The following RALYL variants were observed in gnomAD, a reference collection of about 807,000 sequenced individuals.
RALYL encodes RALY RNA binding protein like.
Under a neutral mutation model 35.1 loss-of-function variants are expected in RALYL, and 29 were observed. The ratio of observed to expected loss-of-function variants is 0.83; its 90% CI spans 0.61 to 1.13. The LOEUF is 1.13. Ranked by LOEUF, RALYL falls within the 50% of genes most tolerant of loss-of-function variation. RALYL has a pLI of 0.00. For missense variants in RALYL, 359 were observed against 360.4 expected (o/e 1.00, Z 0.03); for synonymous variants, 120 against 127.6 (o/e 0.94, Z 0.40).
intron 1 of RALYL, among the ~76,000 whole-genome samples, chr8:84,266,474 C>T (rs1222038207): frequency 9.2e-5 from 14 of 152,136 alleles, no homozygotes; most frequent in Admixed American, 9.2e-4. Context: ...TTCGATTTTT[C>T]CAAAATCATT....
intron 2 of RALYL, among the ~76,000 whole-genome samples, chr8:84,582,811 A>G (rs1420869500): frequency 1.3e-5 from 2 of 152,082 alleles, no homozygotes; most frequent in African/African-American, 2.4e-5. Context: ...TATAGAATCT[A>G]TAAGGTCAAT....
At chr8:84,851,551 C>A (rs1015018798) in intron 5 of RALYL, among the ~76,000 whole-genome samples, 2 of 151,928 alleles carry the variant, frequency 1.3e-5, no homozygotes, top group South Asian at 4.1e-4. Flanking sequence ...ACAAAAAAAA[C>A]CTTAGGTACT....
chr8:84,235,373 A>G (rs1340593332), intron 1 of RALYL, among the ~76,000 whole-genome samples: 1 of 152,198 alleles, frequency 6.6e-6, no homozygotes, highest in Non-Finnish European at 1.5e-5. Context: ...CCTCTTCCAC[A>G]ATAAGATTTG....
At chr8:84,842,387 C>T (rs1228296815) in intron 4 of RALYL, among the ~76,000 whole-genome samples, 8 of 152,056 alleles carry the variant, frequency 5.3e-5, no homozygotes, top group South Asian at 4.1e-4. Flanking sequence ...ATAAATTCCT[C>T]GACACATACA....
At chr8:84,705,620 T>G (rs896915490) in intron 2 of RALYL, among the ~76,000 whole-genome samples, 1 of 152,200 alleles carries the variant, frequency 6.6e-6, no homozygotes, top group Non-Finnish European at 1.5e-5. Flanking sequence ...AAAAGATATA[T>G]GAACCTAATT....
chr8:84,290,811 C>A (rs1332605909), intron 1 of RALYL, among the ~76,000 whole-genome samples: 1 of 152,126 alleles, frequency 6.6e-6, no homozygotes, highest in African/African-American at 2.4e-5. Flanking sequence ...TCATTAAATT[C>A]TGAAAGCTTC....
intron 1 of RALYL, among the ~76,000 whole-genome samples, chr8:84,302,098 G>A (rs765852668): frequency 1.3e-5 from 2 of 152,064 alleles, no homozygotes; most frequent in Non-Finnish European, 2.9e-5. Flanking sequence ...GCAATTGCTG[G>A]GCTGTATCAA....
chr8:84,402,815 A>G (rs1216914526), intron 1 of RALYL, among the ~76,000 whole-genome samples: 1 of 152,150 alleles, frequency 6.6e-6, no homozygotes, highest in Non-Finnish European at 1.5e-5. Context: ...TATCCTCTCC[A>G]GCACCTGTTG....
chr8:84,698,622 A>C (rs1303265199), intron 2 of RALYL, among the ~76,000 whole-genome samples: 1 of 152,112 alleles, frequency 6.6e-6, no homozygotes, highest in African/African-American at 2.4e-5. Flanking sequence ...ACAGCAGAGG[A>C]AAGAAACCCC....
chr8:84,262,125 G>T (rs1473583080), intron 1 of RALYL, among the ~76,000 whole-genome samples: 1 of 152,090 alleles, frequency 6.6e-6, no homozygotes, highest in African/African-American at 2.4e-5. Flanking sequence ...GTGGAGTCAT[G>T]GTTCCAGAAC....
At position 84,728,020 on chromosome 8, in the gene RALYL, C is replaced by G. The variant is rs1040643608; in HGVS notation, c.257-46559C>G. On this transcript the variant is annotated intron_variant, in intron 2 of 8. Coordinates refer to ENST00000521268, the MANE Select transcript of RALYL (RefSeq NM_173848.7). ...GGGATGGCTGGGTCAAATGGTATTT[C>G]TAGTTCTAGATCCCTGAGGAATCGC... is the stretch of plus-strand genomic sequence containing the variant. Among the ~76,000 whole-genome samples, 306 of 151,852 alleles carry G rather than the reference C, an allele frequency of 2.0e-3. 1 individual carries two copies. Among genetic ancestry groups the G allele is most frequent in the African/African-American group, 7.1e-3 (294 of 41,324 alleles).
intron 1 of RALYL, among the ~76,000 whole-genome samples, chr8:84,439,691 G>A (rs1450763808): frequency 6.6e-6 from 1 of 151,564 alleles, no homozygotes; most frequent in African/African-American, 2.4e-5. Flanking sequence ...CATTTCTATT[G>A]ATCTATGCTC....
intron 1 of RALYL, among the ~76,000 whole-genome samples, chr8:84,338,550 T>TA (rs762147735): frequency 4.6e-5 from 7 of 151,734 alleles, no homozygotes; most frequent in Non-Finnish European, 8.8e-5. Flanking sequence ...GAACATTATA[T>TA]ATTAAGAGCT....
intron 1 of RALYL, among the ~76,000 whole-genome samples, chr8:84,210,352 T>C (rs541711018): frequency 3.6e-4 from 55 of 151,790 alleles, no homozygotes; most frequent in African/African-American, 1.2e-3. Context: ...TAATGTTTAA[T>C]ACATTATAGA....
rs1811077528 is a variant in RALYL, at chr8:84,582,554, C to A, written c.256+52977C>A. 2.0e-5 allele frequency among the ~76,000 whole-genome samples: 3 copies of A among 152,060 alleles called. No homozygotes were observed. In the South Asian group the frequency reaches 6.2e-4, roughly 32 times the overall value. On this transcript the variant is annotated intron_variant, in intron 2 of 8. Coordinates refer to ENST00000521268, the MANE Select transcript of RALYL (RefSeq NM_173848.7). ...TCTCTCATTCATGATTTTTTTCATA[C>A]CACCCACTTGATTTGTATTTCAAAT...
intron 2 of RALYL, among the ~76,000 whole-genome samples, chr8:84,648,173 C>A (rs892882340): frequency 1.3e-5 from 2 of 152,030 alleles, no homozygotes; most frequent in Admixed American, 1.3e-4. Flanking sequence ...TCATTTTGGT[C>A]TCTGATTAAA....
intron 1 of RALYL, among the ~76,000 whole-genome samples, chr8:84,395,617 C>A (rs1247065853): frequency 6.6e-6 from 1 of 151,838 alleles, no homozygotes; most frequent in South Asian, 2.1e-4. Flanking sequence ...TAACATTTGG[C>A]ACATTACGTA....
At chr8:84,644,158 G>A (rs1420254093) in intron 2 of RALYL, among the ~76,000 whole-genome samples, 1 of 151,988 alleles carries the variant, frequency 6.6e-6, no homozygotes, top group Non-Finnish European at 1.5e-5. Flanking sequence ...CTAAAGAGGA[G>A]AAGAAAAGGT....
intron 1 of RALYL, among the ~76,000 whole-genome samples, chr8:84,306,400 C>T (rs146571121): frequency 1.6e-4 from 24 of 152,190 alleles, no homozygotes; most frequent in Admixed American, 5.2e-4. Context: ...GTCTATCAGG[C>T]GAAGTGTTTT....
Sources: gnomAD v4.1 joint callset for allele counts (sites outside exome capture counted in the v4.1 genomes callset) on GRCh38, gnomAD v4.1.1 for gene constraint, MANE v1.5 for transcripts, NCBI Gene and HGNC (gene_info 2026-07-23, HGNC 2026-07-21) for gene names.